MICAL3: variants seen among roughly 807,000 people sequenced by gnomAD.
MICAL3 encodes microtubule associated monooxygenase, calponin and LIM domain containing 3.
Under a neutral mutation model 207.4 loss-of-function variants are expected in MICAL3, and 62 were observed. The observed-to-expected ratio is 0.30, with a 90% CI of 0.24 to 0.37. The LOEUF (loss-of-function observed/expected upper bound fraction) is 0.37, where lower values mean the gene tolerates loss of function less well. Among genes scored for constraint, MICAL3 ranks in the 10% least tolerant of loss-of-function variants. MICAL3 has a pLI of 1.00. For missense variants in MICAL3, 2,368 were observed against 2,635.6 expected, an observed-to-expected ratio of 0.90 and a Z score of 2.22; for synonymous variants, 1,077 against 1,069.3, an observed-to-expected ratio of 1.01 and a Z score of -0.14.
chr22:17,972,210 C>A (rs1935444758), intron 1 of MICAL3, among the ~76,000 whole-genome samples: 1 of 152,112 alleles, frequency 6.6e-6, no homozygotes, highest in Non-Finnish European at 1.5e-5. Context: ...AAAAAGGAAC[C>A]AGACCATCCC....
intron 1 of MICAL3, among the ~76,000 whole-genome samples, chr22:18,016,833 G>T (rs144352515): frequency 2.0e-5 from 3 of 151,870 alleles, no homozygotes; most frequent in Non-Finnish European, 2.9e-5. Flanking sequence ...CCAGCTACTC[G>T]GGAGGCTGAG....
At chr22:17,907,457 G>A (rs545350772) in intron 1 of MICAL3, among the ~76,000 whole-genome samples, 2 of 152,346 alleles carry the variant, frequency 1.3e-5, no homozygotes, top group East Asian at 3.9e-4. Flanking sequence ...TGCCAGTGGA[G>A]CAGTGAGCCC....
At chr22:17,791,578 C>G (rs969620019) in intron 29 of MICAL3, 10 of 514,170 alleles carry the variant, frequency 1.9e-5, no homozygotes, top group African/African-American at 1.5e-4. Context: ...CCCTCCTGCT[C>G]TGTGTGCTCT....
intron 1 of MICAL3, among the ~76,000 whole-genome samples, chr22:17,958,299 G>A (rs886527558): frequency 1.3e-5 from 2 of 152,128 alleles, no homozygotes; most frequent in Non-Finnish European, 2.9e-5. Flanking sequence ...CTCAGGCCAC[G>A]TTGTTATTTG....
rs766615188 is a variant in MICAL3, at chr22:17,887,249, G to T, written c.2005-17C>A. On this transcript the variant is annotated splice_polypyrimidine_tract_variant and intron_variant, in intron 14 of 31. Transcript: ENST00000441493. ...CTTTTTATCCTGTACCAAGGGAGGA[G>T]GGAAACTGCATTATTCTAGCCATAC... The T allele has an allele frequency of 6.2e-7, 1 of 1,612,786 alleles. No individual in the cohort carries two copies. The highest frequency in any genetic ancestry group is 1.3e-5 in the African/African-American group (1 of 74,876).
intron 1 of MICAL3, among the ~76,000 whole-genome samples, chr22:17,944,429 A>C (rs1335036566): frequency 6.6e-6 from 1 of 152,212 alleles, no homozygotes; most frequent in South Asian, 2.1e-4. Flanking sequence ...TATTGTTTAC[A>C]ACTGCAGAGC....
At chr22:17,925,836 C>A (rs1026195929) in intron 1 of MICAL3, among the ~76,000 whole-genome samples, 1 of 152,166 alleles carries the variant, frequency 6.6e-6, no homozygotes, top group Admixed American at 6.6e-5. Flanking sequence ...GCATCAAACA[C>A]GTTTCAGTTA....
At chr22:17,845,789 G>T (rs1602040809) in intron 19 of MICAL3, among the ~76,000 whole-genome samples, 1 of 152,098 alleles carries the variant, frequency 6.6e-6, no homozygotes, top group Non-Finnish European at 1.5e-5. Context: ...CTTCCCCTTT[G>T]GGCATCTTCA....
intron 1 of MICAL3, among the ~76,000 whole-genome samples, chr22:17,981,301 T>A (rs926324161): frequency 1.3e-5 from 2 of 148,728 alleles, no homozygotes; most frequent in Non-Finnish European, 3.0e-5. Flanking sequence ...TTTTTTTTTT[T>A]AATTTGGTCC....
At chr22:17,866,668 T>TAGAATAGAATAGA (rs796572705) in intron 17 of MICAL3, among the ~76,000 whole-genome samples, 5 of 81,958 alleles carry the variant, frequency 6.1e-5, no homozygotes, top group South Asian at 4.2e-4. Context: ...TAGAATAGAA[T>TAGAATAGAATAGA]ATAGAATAGA....
At chr22:17,870,220 G>A (rs9618150) in intron 17 of MICAL3, among the ~76,000 whole-genome samples, 23,943 of 151,920 alleles carry the variant, frequency 0.16, 2,382 homozygotes, top group African/African-American at 0.26. Context: ...ACTGCCACCC[G>A]ATCTCCCACC....
chr22:17,960,929 C>A (rs1324415983), intron 1 of MICAL3, among the ~76,000 whole-genome samples: 1 of 152,098 alleles, frequency 6.6e-6, no homozygotes, highest in African/African-American at 2.4e-5. Context: ...GTGAGCAGGG[C>A]AACGAGACGG....
At chr22:17,953,399 T>C (rs12158576) in intron 1 of MICAL3, among the ~76,000 whole-genome samples, 8,850 of 152,094 alleles carry the variant, frequency 0.058, 806 homozygotes, top group African/African-American at 0.2. Flanking sequence ...GGGTGGGCAA[T>C]GCAATTTGAT....
intron 16 of MICAL3, chr22:17,875,348 G>T: frequency 1.5e-6 from 1 of 659,648 alleles, no homozygotes; most frequent in East Asian, 3.7e-5. Flanking sequence ...GGGCCCAAGT[G>T]AGGAACACTG....
intron 1 of MICAL3, chr22:18,019,098 T>TACTC (rs1924264850): frequency 6.6e-6 from 1 of 151,444 alleles, no homozygotes; most frequent in African/African-American, 2.4e-5. Context: ...GAGGATGAGG[T>TACTC]GGGAGCATCG....
chr22:17,869,760 C>G (rs150751969), intron 17 of MICAL3, among the ~76,000 whole-genome samples: 2 of 152,312 alleles, frequency 1.3e-5, no homozygotes, highest in African/African-American at 4.8e-5. Flanking sequence ...TGAGCTATTA[C>G]TAGTTGTGTC....
At chr22:17,938,109 T>G (rs916291101) in intron 1 of MICAL3, among the ~76,000 whole-genome samples, 3 of 152,198 alleles carry the variant, frequency 2.0e-5, no homozygotes, top group African/African-American at 7.2e-5. Flanking sequence ...CAGAAATATT[T>G]TCACTTCATC....
chr22:17,925,917 G>A (rs922535008), intron 1 of MICAL3, among the ~76,000 whole-genome samples: 1 of 152,080 alleles, frequency 6.6e-6, no homozygotes, highest in African/African-American at 2.4e-5. Flanking sequence ...CAAAATGACA[G>A]GCTGTGAGTC....
At position 17,896,720 on chromosome 22, in the gene MICAL3, T is replaced by C. The variant is rs1930876611; in HGVS notation, c.1206+4A>G. On this transcript the variant is annotated splice_donor_region_variant and intron_variant, in intron 8 of 31. Coordinates refer to ENST00000441493, the MANE Select transcript of MICAL3 (RefSeq NM_015241.3). ...CACAGAGTGCTGCCATGCTTAGCAC[T>C]CACCTCTAGGAGGCTGTCCCCGACC... The C allele has an allele frequency of 3.1e-6, 5 of 1,613,062 alleles. No individual in the cohort carries two copies. Among genetic ancestry groups the C allele is most frequent in the Admixed American group, 1.7e-5 (1 of 59,976 alleles).
Sources: gnomAD v4.1 joint callset for allele counts (sites outside exome capture counted in the v4.1 genomes callset) on GRCh38, gnomAD v4.1.1 for gene constraint, MANE v1.5 for transcripts, NCBI Gene and HGNC (gene_info 2026-07-23, HGNC 2026-07-21) for gene names.